RPS19: variants seen among roughly 807,000 people sequenced by gnomAD.
The protein encoded by RPS19 is small ribosomal subunit protein eS19.
In RPS19, 1 loss-of-function variant was observed where a neutral mutation model predicts 20.3. The ratio of observed to expected loss-of-function variants is 0.05; its 90% CI spans 0.02 to 0.23. The LOEUF is 0.23. RPS19 is among the 10% of genes least tolerant of loss of function. The probability of loss-of-function intolerance (pLI) is 1.00; values close to 1 mark genes in which losing one functional copy is unlikely to be tolerated. For synonymous variants in RPS19, 87 were observed against 74.8 expected, an observed-to-expected ratio of 1.16 and a Z score of -0.84; for missense variants, 111 against 192.7, an observed-to-expected ratio of 0.58 and a Z score of 2.51.
chr19:41,871,399 A>T lies in RPS19; in HGVS notation c.*22A>T. On this transcript the variant is annotated 3_prime_UTR_variant, in exon 6 of 6. Transcript: ENST00000598742. ...TTAGAACAAACCATGCTGGGTTAAT[A>T]AATTGCCTCATTCGTAATCCTGGTC... 2 of 1,610,592 alleles carry T rather than the reference A, an allele frequency of 1.2e-6. No individual in the cohort carries two copies. The highest frequency in any genetic ancestry group is 1.7e-6 in the Non-Finnish European group (2 of 1,177,046).
At chr19:41,861,427 T>A (rs112851443) in intron 3 of RPS19, 12 of 585,126 alleles carry the variant, frequency 2.1e-5, no homozygotes, top group South Asian at 1.8e-4. Context: ...GACCTGTGGC[T>A]TTGAGCCTCA....
Position 41,865,968 on chromosome 19 carries a change from AAAAG to A in RPS19, c.173-3062_173-3059del, listed in dbSNP as rs1470863404. Among the ~76,000 whole-genome samples, 6 of 108,134 alleles carry A rather than the reference AAAAG, an allele frequency of 5.5e-5. No homozygotes were observed. In the Admixed American group the frequency reaches 5.8e-4, roughly 10 times the overall value. 70.9% of individuals were successfully genotyped at this position (108,134 alleles called of 152,430 possible). On this transcript the variant is annotated intron_variant, in intron 3 of 5. Coordinates refer to ENST00000598742, the MANE Select transcript of RPS19 (RefSeq NM_001022.4). Reference sequence around the variant, plus strand: ...CGTCTTTAAAAAAAAAAAAAAAAAAAAAAGGCCGGGCGCGGTGGCTCATGCCTGT... The same window carrying A: ...CGTCTTTAAAAAAAAAAAAAAAAAAAGCCGGGCGCGGTGGCTCATGCCTGT...
intron 5 of RPS19, among the ~76,000 whole-genome samples, chr19:41,870,890 T>C (rs1456719628): frequency 2.2e-5 from 3 of 134,568 alleles, no homozygotes; most frequent in Non-Finnish European, 4.6e-5. Context: ...TGAGACAGAG[T>C]CTTGCTCTGT....
chr19:41,869,241 G>A, intron 4 of RPS19, 27 bp downstream of exon 4: 3 of 1,599,964 alleles, frequency 1.9e-6, no homozygotes, highest in African/African-American at 1.3e-5. Context: ...GGGCTGCATT[G>A]ATGGAGTAGC....
intron 3 of RPS19, 68 bp downstream of exon 3, chr19:41,861,280 C>A: frequency 8.9e-7 from 1 of 1,128,496 alleles, no homozygotes; most frequent in Non-Finnish European, 1.3e-6. Context: ...CCATACTTCC[C>A]TGTCTCCTCT....
chr19:41,869,625 C>G lies in RPS19; in HGVS notation c.357-74C>G, dbSNP rs782626668. On this transcript the variant is annotated intron_variant, in intron 4 of 5. Coordinates refer to ENST00000598742, the MANE Select transcript of RPS19 (RefSeq NM_001022.4). ...AGGTGGCTTTTTGAGAAGCCTGGCT[C>G]ACAGCCAGGAGGGAAGGGGCTGAGA... 1.0e-5 allele frequency: 16 copies of G among 1,526,132 alleles called. No individual in the cohort carries two copies. The African/African-American group carries it at 2.2e-4, about 21-fold the overall frequency. 94.5% of individuals were successfully genotyped at this position (1,526,132 alleles called of 1,614,324 possible).
At chr19:41,866,466 G>T (rs1428693601) in intron 3 of RPS19, among the ~76,000 whole-genome samples, 2 of 152,164 alleles carry the variant, frequency 1.3e-5, no homozygotes, top group Non-Finnish European at 2.9e-5. Flanking sequence ...ATTGTGGGGG[G>T]TGGCTTACGC....
At chr19:41,860,541 A>C (rs1555838947) in intron 1 of RPS19, 2 of 570,810 alleles carry the variant, frequency 3.5e-6, no homozygotes, top group Admixed American at 5.7e-5. Context: ...GGGGTCGCGC[A>C]GGATCCTCAC....
intron 3 of RPS19, among the ~76,000 whole-genome samples, chr19:41,865,722 G>A (rs2074078820): frequency 1.3e-5 from 2 of 151,954 alleles, no homozygotes; most frequent in South Asian, 4.1e-4. Context: ...GCCGAGGCGG[G>A]CGGATCATGA....
At chr19:41,860,710 G>C in intron 1 of RPS19, 65 bp from the exon 2 acceptor site, 1 of 1,158,030 alleles carries the variant, frequency 8.6e-7, no homozygotes, top group East Asian at 2.3e-5. Context: ...GATTGGGGTG[G>C]GGTCCGTGCT....
chr19:41,863,420 G>A (rs1300257618), intron 3 of RPS19, among the ~76,000 whole-genome samples: 2 of 152,214 alleles, frequency 1.3e-5, no homozygotes, highest in Non-Finnish European at 2.9e-5. Context: ...CTTGCTGCAA[G>A]TTACCCTGGG....
intron 2 of RPS19, 118 bp from the exon 3 acceptor site, chr19:41,860,994 T>G (rs2074024329): frequency 1.1e-5 from 12 of 1,104,290 alleles, no homozygotes; most frequent in African/African-American, 1.5e-5. Flanking sequence ...TGTGTTCCGG[T>G]TCCAGCCTCT....
intron 5 of RPS19, among the ~76,000 whole-genome samples, chr19:41,870,697 G>C (rs113505626): frequency 0.022 from 3,315 of 152,094 alleles, 131 homozygotes; most frequent in African/African-American, 0.074. Context: ...AGAATGGAAA[G>C]TGTCAGCCCT....
intron 3 of RPS19, among the ~76,000 whole-genome samples, chr19:41,861,977 CAG>C (rs782805599): frequency 1.9e-4 from 29 of 152,282 alleles, no homozygotes; most frequent in Non-Finnish European, 3.2e-4. Context: ...GAAGATGTAA[CAG>C]GGTGGGCGGT....
intron 3 of RPS19, among the ~76,000 whole-genome samples, chr19:41,863,014 C>T (rs879962986): frequency 3.3e-5 from 5 of 152,150 alleles, no homozygotes; most frequent in Non-Finnish European, 7.4e-5. Context: ...GAAATATTTC[C>T]TACCTGACCC....
At chr19:41,862,280 T>G (rs2074040166) in intron 3 of RPS19, among the ~76,000 whole-genome samples, 1 of 152,166 alleles carries the variant, frequency 6.6e-6, no homozygotes. Context: ...GCCCACTCTT[T>G]CAGGCCATGG....
intron 2 of RPS19, 51 bp from the exon 3 acceptor site, chr19:41,861,061 G>T (rs1555839132): frequency 2.2e-6 from 3 of 1,387,308 alleles, no homozygotes; most frequent in Non-Finnish European, 3.1e-6. Flanking sequence ...GGGATATGGG[G>T]TAGTTTGTGG....
At chr19:41,862,160 C>T (rs1252430323) in intron 3 of RPS19, among the ~76,000 whole-genome samples, 1 of 152,208 alleles carries the variant, frequency 6.6e-6, no homozygotes, top group Non-Finnish European at 1.5e-5. Context: ...ATCGGCAAAA[C>T]TCCTCCATGA....
chr19:41,869,759 G>C lies in RPS19; in HGVS notation c.411+6G>C, dbSNP rs138397598. The stretch of plus-strand genomic sequence containing the variant: ...TGGACAGAATCGCCGGACAGGTAAG[G>C]CCTGCGTTTGGGGTGGGGCTGGGTC... On this transcript the variant is annotated splice_donor_region_variant and intron_variant, in intron 5 of 5. Coordinates refer to ENST00000598742, the MANE Select transcript of RPS19 (RefSeq NM_001022.4). 126 of 1,614,042 alleles carry C rather than the reference G, an allele frequency of 7.8e-5. 1 individual carries two copies. The Middle Eastern group carries it at 3.5e-3, about 44-fold the overall frequency.
Sources: gnomAD v4.1 joint callset for allele counts (sites outside exome capture counted in the v4.1 genomes callset) on GRCh38, gnomAD v4.1.1 for gene constraint, MANE v1.5 for transcripts, NCBI Gene and HGNC (gene_info 2026-07-23, HGNC 2026-07-21) for gene names.